ACOXL: variants seen among roughly 807,000 people sequenced by gnomAD.
The protein encoded by ACOXL is acyl-coenzyme A oxidase-like protein.
In ACOXL, 70 loss-of-function variants were observed where a neutral mutation model predicts 71.9. The observed-to-expected ratio is 0.97, with a 90% CI of 0.80 to 1.19. The LOEUF is 1.19. ACOXL is among the 50% of genes most tolerant of loss of function. The probability of loss-of-function intolerance (pLI) is 0.00; values close to 1 mark genes in which losing one functional copy is unlikely to be tolerated. For missense variants in ACOXL, 703 were observed against 736.3 expected, an observed-to-expected ratio of 0.95 and a Z score of 0.52; for synonymous variants, 253 against 281.6, an observed-to-expected ratio of 0.90 and a Z score of 1.02.
rs1574426207 is a variant in ACOXL at position 110,995,992 on chromosome 2, A to G, written c.1269A>G (p.Arg423=). 2 of 1,590,248 alleles carry G rather than the reference A, an allele frequency of 1.3e-6. No individual in the cohort carries two copies. Among genetic ancestry groups the G allele is most frequent in the East Asian group, 4.5e-5 (2 of 44,876 alleles). Residue 423 remains arginine (R), a synonymous_variant, in exon 14 of 18, where the codon AGA becomes AGG. Transcript: ENST00000439055. ...TTCTTCAGCGGGGTTTGGTGGCCAGAATTTATTATAAGGTAAAGATACACT... is the reference window on the plus strand; with the variant it reads ...TTCTTCAGCGGGGTTTGGTGGCCAGGATTTATTATAAGGTAAAGATACACT... The part of the protein sequence containing the change: ...ERVLQRGLVA[R]IYYKVKTKKE...
Position 110,853,572 on chromosome 2 carries a change from A to T in ACOXL, c.788+12167A>T, listed in dbSNP as rs574102848. 2.2e-4 allele frequency among the ~76,000 whole-genome samples: 34 copies of T among 152,372 alleles called. 1 individual carries two copies. In the South Asian group the frequency reaches 6.8e-3, roughly 31 times the overall value. ...GTTTGTTTGTCTAAGCATAGAAATT[A>T]AATCAGCTTTCAATTAGTCATACTA... is the stretch of plus-strand genomic sequence containing the variant. On this transcript the variant is annotated intron_variant, in intron 10 of 17. Transcript: ENST00000439055.
intron 9 of ACOXL, among the ~76,000 whole-genome samples, chr2:110,813,659 G>A (rs2105440824): frequency 6.6e-6 from 1 of 152,264 alleles, no homozygotes; most frequent in South Asian, 2.1e-4. Flanking sequence ...ATAGATGCTT[G>A]TACAGGTTAC....
intron 2 of ACOXL, among the ~76,000 whole-genome samples, chr2:110,780,102 AT>A (rs1455701483): frequency 6.6e-6 from 1 of 152,250 alleles, no homozygotes; most frequent in African/African-American, 2.4e-5. Flanking sequence ...CCCATACTAT[AT>A]AAAAATCCCT....
At chr2:111,070,862 T>G (rs1424186170) in intron 16 of ACOXL, among the ~76,000 whole-genome samples, 2 of 152,148 alleles carry the variant, frequency 1.3e-5, no homozygotes, top group Non-Finnish European at 2.9e-5. Flanking sequence ...CTGCTTTCCC[T>G]CGTGGCCTGT....
intron 15 of ACOXL, 98 bp downstream of exon 15, chr2:111,031,812 C>A: frequency 8.2e-7 from 1 of 1,213,324 alleles, no homozygotes; most frequent in Non-Finnish European, 1.2e-6. Context: ...TCCCAACACA[C>A]AGGGAAGGGA....
intron 3 of ACOXL, among the ~76,000 whole-genome samples, chr2:110,788,115 GC>G (rs1232782169): frequency 6.6e-6 from 1 of 152,166 alleles, no homozygotes; most frequent in Non-Finnish European, 1.5e-5. Context: ...TTACCATACA[GC>G]CCAGCATTCC....
chr2:111,053,835 G>A (rs1430766279), intron 16 of ACOXL, among the ~76,000 whole-genome samples: 2 of 152,206 alleles, frequency 1.3e-5, no homozygotes, highest in East Asian at 3.9e-4. Flanking sequence ...CGCCTGCAGA[G>A]CCTCCCTGCC....
At chr2:110,867,570 G>A (rs900795424) in intron 10 of ACOXL, among the ~76,000 whole-genome samples, 1 of 152,062 alleles carries the variant, frequency 6.6e-6, no homozygotes, top group Non-Finnish European at 1.5e-5. Flanking sequence ...ATGAATAATC[G>A]GTCTGAAAGG....
chr2:110,770,277 G>A (rs1315216227), intron 2 of ACOXL, among the ~76,000 whole-genome samples: 11 of 152,164 alleles, frequency 7.2e-5, no homozygotes, highest in South Asian at 2.1e-4. Context: ...TTTGTGGAGC[G>A]TAGAATGGAG....
intron 1 of ACOXL, among the ~76,000 whole-genome samples, chr2:110,759,241 C>G (rs982742103): frequency 5.9e-5 from 9 of 152,100 alleles, no homozygotes; most frequent in Admixed American, 5.2e-4. Flanking sequence ...TGTTAATTTT[C>G]TTTCTTGATG....
intron 10 of ACOXL, among the ~76,000 whole-genome samples, chr2:110,874,926 G>T (rs536387370): frequency 3.3e-5 from 5 of 152,224 alleles, no homozygotes; most frequent in African/African-American, 1.2e-4. Flanking sequence ...GGTCGCCGAG[G>T]TCTCTCTCTC....
chr2:110,739,254 G>A (rs958524740), intron 1 of ACOXL, among the ~76,000 whole-genome samples: 1 of 152,196 alleles, frequency 6.6e-6, no homozygotes, highest in Non-Finnish European at 1.5e-5. Context: ...TCCTTTGGCA[G>A]ATCAGTATTG....
chr2:110,893,908 T>G (rs537567269), intron 10 of ACOXL, among the ~76,000 whole-genome samples: 61 of 152,220 alleles, frequency 4.0e-4, no homozygotes, highest in Non-Finnish European at 5.7e-4. Context: ...CTTTGAGAGA[T>G]ATTTTTTAAA....
chr2:110,805,540 G>C (rs1573602459), intron 9 of ACOXL, 145 bp downstream of exon 9: 2 of 1,162,826 alleles, frequency 1.7e-6, no homozygotes, highest in Non-Finnish European at 2.4e-6. Flanking sequence ...GGGAGTGCCA[G>C]GTGGCCATCC....
At chr2:110,977,561 G>C (rs1366744052) in intron 12 of ACOXL, among the ~76,000 whole-genome samples, 4 of 152,090 alleles carry the variant, frequency 2.6e-5, no homozygotes, top group Non-Finnish European at 5.9e-5. Flanking sequence ...TTACTCCCAC[G>C]AATGAACAGA....
intron 9 of ACOXL, among the ~76,000 whole-genome samples, chr2:110,829,813 C>T (rs1401027968): frequency 6.6e-6 from 1 of 152,246 alleles, no homozygotes; most frequent in Non-Finnish European, 1.5e-5. Flanking sequence ...TTAGATTAAA[C>T]TGACCTAAAG....
chr2:110,796,914 T>G (rs73956461), intron 5 of ACOXL, among the ~76,000 whole-genome samples: 1,863 of 152,382 alleles, frequency 0.012, 42 homozygotes, highest in African/African-American at 0.043. Context: ...CTATATACTT[T>G]ATAGTCTGAA....
chr2:111,018,246 G>A (rs2064557437), intron 14 of ACOXL, among the ~76,000 whole-genome samples: 1 of 152,270 alleles, frequency 6.6e-6, no homozygotes, highest in African/African-American at 2.4e-5. Context: ...GCAGCGGGGA[G>A]GGAGGAGGCA....
intron 10 of ACOXL, among the ~76,000 whole-genome samples, chr2:110,846,584 A>G (rs1424864761): frequency 6.6e-6 from 1 of 150,510 alleles, no homozygotes; most frequent in Admixed American, 6.7e-5. Context: ...TATTCAAATG[A>G]ACAGCGTTCA....
Sources: allele counts gnomAD v4.1 joint callset (sites outside exome capture counted in the v4.1 genomes callset), GRCh38; gene constraint gnomAD v4.1.1; transcripts MANE v1.5; gene names NCBI Gene and HGNC (gene_info 2026-07-23, HGNC 2026-07-21).